SLC24A3: variants seen among roughly 807,000 people sequenced by gnomAD.
SLC24A3 encodes the protein sodium/potassium/calcium exchanger 3.
SLC24A3 carries 28 observed loss-of-function variants against 75.8 expected under a neutral mutation model. The observed-to-expected ratio is 0.37, with a 90% CI of 0.27 to 0.51. The LOEUF (loss-of-function observed/expected upper bound fraction) is 0.51. Among genes scored for constraint, SLC24A3 ranks in the 20% least tolerant of loss-of-function variants. The probability of loss-of-function intolerance (pLI) is 0.94; values close to 1 mark genes in which losing one functional copy is unlikely to be tolerated. For synonymous variants in SLC24A3, 372 were observed against 334.1 expected (o/e 1.11, Z -1.24); for missense variants, 663 against 847.8 (o/e 0.78, Z 2.71).
chr20:19,497,745 C>T (rs1223616258), intron 2 of SLC24A3, among the ~76,000 whole-genome samples: 3 of 152,018 alleles, frequency 2.0e-5, no homozygotes, highest in Non-Finnish European at 2.9e-5. Flanking sequence ...ACAGAGCTCT[C>T]GAGTTCTCAT....
chr20:19,696,914 G>A lies in SLC24A3; in HGVS notation c.1606+3G>A. The stretch of plus-strand genomic sequence containing the variant: ...CAGCCTCATTGTGGCCAGACAAGGT[G>A]GGACTTCCAGTGGCAATGGGGAAGG... On this transcript the variant is annotated splice_donor_region_variant and intron_variant, in intron 14 of 16. Transcript: ENST00000328041. 6.3e-7 allele frequency: 1 copy of A among 1,575,996 alleles called. No homozygotes were observed. Among genetic ancestry groups the A allele is most frequent in the Non-Finnish European group, 8.6e-7 (1 of 1,157,340 alleles).
chr20:19,337,235 A>G (rs931602512), intron 2 of SLC24A3, among the ~76,000 whole-genome samples: 6 of 152,314 alleles, frequency 3.9e-5, no homozygotes, highest in African/African-American at 1.4e-4. Flanking sequence ...ACTTGAGGTC[A>G]GGAGTTCGAG....
intron 3 of SLC24A3, among the ~76,000 whole-genome samples, chr20:19,555,698 A>G (rs1333609221): frequency 6.6e-6 from 1 of 152,166 alleles, no homozygotes; most frequent in Admixed American, 6.5e-5. Flanking sequence ...CAGTTCCCTT[A>G]TTTTATGCAT....
At chr20:19,550,796 C>T (rs2030681138) in intron 3 of SLC24A3, among the ~76,000 whole-genome samples, 1 of 152,040 alleles carries the variant, frequency 6.6e-6, no homozygotes, top group South Asian at 2.1e-4. Context: ...AAATGTAAAG[C>T]CAGGCAGTAA....
intron 2 of SLC24A3, among the ~76,000 whole-genome samples, chr20:19,460,132 T>C (rs1041344117): frequency 2.6e-5 from 4 of 152,120 alleles, no homozygotes; most frequent in Non-Finnish European, 5.9e-5. Context: ...ATCCAGCTGC[T>C]CTTAGGGAGG....
At chr20:19,611,366 C>T (rs923591471) in intron 6 of SLC24A3, among the ~76,000 whole-genome samples, 11 of 140,618 alleles carry the variant, frequency 7.8e-5, no homozygotes, top group Non-Finnish European at 1.4e-4. Context: ...GGCTGTAACC[C>T]GTTGAGAGAT....
At chr20:19,580,686 T>G (rs2122632467) in intron 4 of SLC24A3, among the ~76,000 whole-genome samples, 1 of 152,354 alleles carries the variant, frequency 6.6e-6, no homozygotes, top group South Asian at 2.1e-4. Flanking sequence ...AACTCTTTCA[T>G]TCTCTTGCCT....
chr20:19,548,960 G>T (rs537810482), intron 3 of SLC24A3, among the ~76,000 whole-genome samples: 11 of 152,344 alleles, frequency 7.2e-5, no homozygotes, highest in African/African-American at 2.6e-4. Flanking sequence ...AGTAGGGTTA[G>T]CTCTTTCCAT....
At chr20:19,580,452 T>C (rs887560674) in intron 4 of SLC24A3, among the ~76,000 whole-genome samples, 1 of 152,140 alleles carries the variant, frequency 6.6e-6, no homozygotes, top group Non-Finnish European at 1.5e-5. Flanking sequence ...ATAACTCTCC[T>C]TTGATATCCA....
intron 2 of SLC24A3, among the ~76,000 whole-genome samples, chr20:19,506,526 T>C (rs878876778): frequency 6.6e-6 from 1 of 152,248 alleles, no homozygotes; most frequent in African/African-American, 2.4e-5. Flanking sequence ...TCTCAGCTCT[T>C]CCACTAACGT....
chr20:19,527,988 G>A (rs1207210718), intron 3 of SLC24A3, among the ~76,000 whole-genome samples: 2 of 152,156 alleles, frequency 1.3e-5, no homozygotes, highest in Non-Finnish European at 2.9e-5. Context: ...CATTCAGCCT[G>A]AGAGGCAACT....
chr20:19,458,998 A>G (rs986000446), intron 2 of SLC24A3, among the ~76,000 whole-genome samples: 1 of 152,160 alleles, frequency 6.6e-6, no homozygotes, highest in Non-Finnish European at 1.5e-5. Context: ...TAGTAGTGTT[A>G]TAGTCAGATT....
intron 3 of SLC24A3, among the ~76,000 whole-genome samples, chr20:19,559,681 A>G (rs906966453): frequency 2.6e-5 from 4 of 152,088 alleles, no homozygotes; most frequent in African/African-American, 4.8e-5. Context: ...CTCTAAATCT[A>G]GTAACAGATT....
chr20:19,386,658 C>A lies in SLC24A3; in HGVS notation c.271+105571C>A, dbSNP rs1030132405. ...GACTTTGTCAAATGCTTTTTGGCAT[C>A]TATTGAGATGATCATGTGGTTTTTA... On this transcript the variant is annotated intron_variant, in intron 2 of 16. Transcript: ENST00000328041. 5.9e-5 allele frequency among the ~76,000 whole-genome samples: 9 copies of A among 152,122 alleles called. No homozygotes were observed. The East Asian group carries it at 1.7e-3, about 29-fold the overall frequency.
At chr20:19,419,186 C>T (rs1986873948) in intron 2 of SLC24A3, among the ~76,000 whole-genome samples, 1 of 152,086 alleles carries the variant, frequency 6.6e-6, no homozygotes, top group Non-Finnish European at 1.5e-5. Context: ...TGAACTTCAC[C>T]ACACTGCATC....
intron 2 of SLC24A3, among the ~76,000 whole-genome samples, chr20:19,346,360 ATATATATGTGGTG>A (rs1568595960): frequency 1.1e-4 from 14 of 130,398 alleles, no homozygotes; most frequent in African/African-American, 3.5e-4. Flanking sequence ...TATATGGTGT[ATATATATGTGGTG>A]TATATATATG....
chr20:19,595,942 T>C (rs942358166), intron 6 of SLC24A3, among the ~76,000 whole-genome samples: 4 of 152,106 alleles, frequency 2.6e-5, no homozygotes, highest in African/African-American at 9.7e-5. Context: ...TAAATGTTCA[T>C]ACAGAAGCAA....
intron 2 of SLC24A3, among the ~76,000 whole-genome samples, chr20:19,361,352 A>T (rs1258704053): frequency 6.6e-6 from 1 of 152,192 alleles, no homozygotes; most frequent in Non-Finnish European, 1.5e-5. Flanking sequence ...CCCTCTCACA[A>T]TCCCATCCAG....
chr20:19,719,582 T>A (rs2033080176), intron 16 of SLC24A3, among the ~76,000 whole-genome samples: 1 of 151,646 alleles, frequency 6.6e-6, no homozygotes, highest in Non-Finnish European at 1.5e-5. Context: ...GGGAGAGGTG[T>A]GAAGTAGCCG....
Sources: gnomAD v4.1 joint callset for allele counts (sites outside exome capture counted in the v4.1 genomes callset) on GRCh38, gnomAD v4.1.1 for gene constraint, MANE v1.5 for transcripts, NCBI Gene and HGNC (gene_info 2026-07-23, HGNC 2026-07-21) for gene names.